Variants in CEP164 observed in about 807,000 individuals in gnomAD.
The protein encoded by CEP164 is centrosomal protein 164.
In CEP164, 162 loss-of-function variants were observed where a neutral mutation model predicts 182.7. The observed-to-expected ratio is 0.89, with a 90% CI of 0.78 to 1.01. The LOEUF is 1.01. Among genes scored for constraint, CEP164 ranks in the 50% least tolerant of loss-of-function variants. CEP164 has a pLI of 0.00. For synonymous variants in CEP164, 661 were observed against 690.0 expected, an observed-to-expected ratio of 0.96 and a Z score of 0.66; for missense variants, 1,735 against 1,790.4, an observed-to-expected ratio of 0.97 and a Z score of 0.56.
At chr11:117,380,229 CTG>C (rs1413022789) in intron 11 of CEP164, among the ~76,000 whole-genome samples, 1 of 152,166 alleles carries the variant, frequency 6.6e-6, no homozygotes, top group Non-Finnish European at 1.5e-5. Flanking sequence ...ATCTGGGCCT[CTG>C]TGGATTTGGG....
intron 1 of CEP164, among the ~76,000 whole-genome samples, chr11:117,328,591 C>T (rs963542111): frequency 9.9e-5 from 15 of 152,120 alleles, no homozygotes; most frequent in African/African-American, 3.6e-4. Context: ...AGCGTTGACT[C>T]GCCAAACTAC....
intron 27 of CEP164, among the ~76,000 whole-genome samples, chr11:117,398,291 G>A (rs2045727315): frequency 6.6e-6 from 1 of 152,200 alleles, no homozygotes; most frequent in Non-Finnish European, 1.5e-5. Context: ...GGCTTTGCAG[G>A]GTACAGCAAT....
chr11:117,351,311 C>G (rs1170547751), intron 4 of CEP164, among the ~76,000 whole-genome samples: 1 of 152,228 alleles, frequency 6.6e-6, no homozygotes, highest in East Asian at 1.9e-4. Context: ...CTGCTCCCGG[C>G]AGGATTATTA....
chr11:117,366,774 T>A (rs1013944491), intron 8 of CEP164, among the ~76,000 whole-genome samples: 1 of 152,166 alleles, frequency 6.6e-6, no homozygotes, highest in East Asian at 1.9e-4. Flanking sequence ...CAGACATAGG[T>A]TCAGCTCCTT....
chr11:117,323,169 G>A (rs2035316198), upstream of CEP164, among the ~76,000 whole-genome samples: 1 of 152,000 alleles, frequency 6.6e-6, no homozygotes, highest in Non-Finnish European at 1.5e-5. Flanking sequence ...CCAAAGTGCT[G>A]GGATTACAGG....
chr11:117,342,946 G>A (rs2038334511), intron 3 of CEP164, among the ~76,000 whole-genome samples: 1 of 151,838 alleles, frequency 6.6e-6, no homozygotes, highest in Non-Finnish European at 1.5e-5. Context: ...GACCTTCTCA[G>A]GCTCATTGCT....
upstream of CEP164, among the ~76,000 whole-genome samples, chr11:117,325,867 T>C (rs73014327): frequency 0.15 from 23,167 of 151,238 alleles, 1,932 homozygotes; most frequent in Non-Finnish European, 0.18. Context: ...AGCATTGCAA[T>C]AGGTATACAC....
In CEP164 at chr11:117,411,374, A is replaced by T; in HGVS notation, c.4164-421A>T. The T allele has an allele frequency of 4.1e-6, 1 of 243,488 alleles. No homozygotes were observed. Among genetic ancestry groups the T allele is most frequent in the Non-Finnish European group, 8.0e-6 (1 of 124,458 alleles). 15.1% of individuals were successfully genotyped at this position (243,488 alleles called of 1,614,324 possible). The stretch of plus-strand genomic sequence containing the variant: ...CGGGCAATTATTTAAACCTGTTATT[A>T]ATTTTCCATTCATCTCATTCCTTGC... On this transcript the variant is annotated intron_variant, in intron 31 of 32. Coordinates refer to ENST00000278935, the MANE Select transcript of CEP164 (RefSeq NM_014956.5). This position sits in a 1 kb window ranked among gnomAD's most constrained non-coding sequence, Gnocchi z 4.4.
chr11:117,400,355 T>C (rs997721257), intron 27 of CEP164, among the ~76,000 whole-genome samples: 43 of 152,194 alleles, frequency 2.8e-4, no homozygotes, highest in African/African-American at 9.2e-4. Context: ...ATATCTGTTT[T>C]GGTACCAGTA....
chr11:117,359,186 C>T (rs2510450), intron 5 of CEP164, among the ~76,000 whole-genome samples: 32,888 of 151,956 alleles, frequency 0.22, 3,685 homozygotes, highest in African/African-American at 0.27. Context: ...TTAGGTAATC[C>T]GCCTGCCTCA....
At chr11:117,396,973 C>T in intron 26 of CEP164, 118 bp from the exon 27 acceptor site, 2 of 916,426 alleles carry the variant, frequency 2.2e-6, no homozygotes, top group Non-Finnish European at 3.3e-6. Context: ...AGTGCCCAGC[C>T]CTAGCCCAGC....
upstream of CEP164, among the ~76,000 whole-genome samples, chr11:117,323,628 G>C (rs1204234260): frequency 6.6e-6 from 1 of 152,094 alleles, no homozygotes; most frequent in African/African-American, 2.4e-5. Context: ...GGGATTGCTG[G>C]ATTGTGTGGT....
intron 18 of CEP164, 92 bp from the exon 19 acceptor site, chr11:117,392,404 T>C: frequency 1.3e-6 from 2 of 1,565,960 alleles, no homozygotes; most frequent in South Asian, 1.2e-5. Flanking sequence ...CCCTGGGGGA[T>C]GGATGCCAGG....
rs746865666 is a variant in CEP164 at position 117,390,808 on chromosome 11, G to A, written c.1966G>A (p.Glu656Lys). Residue 656 changes from glutamate to lysine, a missense_variant, in exon 16 of 33, where the codon GAG becomes AAG. Glu to Lys is a moderately conservative substitution (Grantham distance 56). Transcript: ENST00000278935. ...GAGGGAGCGGCTGCAGAAAGCCATTGAGGAGGAGGAGGCCCGGATGAGAGA... is the reference window on the plus strand; with the variant it reads ...GAGGGAGCGGCTGCAGAAAGCCATTAAGGAGGAGGAGGCCCGGATGAGAGA... ...SLRERLQKAI[E>K]EEEARMREEE... The A allele has an allele frequency of 2.2e-5, 36 of 1,611,716 alleles. No individual in the cohort carries two copies. In the South Asian group the frequency reaches 3.8e-4, roughly 17 times the overall value.
chr11:117,372,562 T>A (rs1222181979), intron 9 of CEP164, among the ~76,000 whole-genome samples: 1 of 152,080 alleles, frequency 6.6e-6, no homozygotes, highest in Non-Finnish European at 1.5e-5. Flanking sequence ...ATTACAGGCA[T>A]GCGCCACCAC....
rs765575619 is a variant in CEP164, at chr11:117,387,286, T to A, written c.1808T>A (p.Leu603His). The A allele has an allele frequency of 6.2e-7, 1 of 1,614,184 alleles. No homozygotes were observed. The highest frequency in any genetic ancestry group is 1.1e-5 in the South Asian group (1 of 91,082). The part of the protein sequence containing the change: ...KAMEEAVAQV[L>H]EQDQRHLLES... ...ATGGAAGAGGCAGTGGCCCAAGTAC[T>A]CGAGCAAGACCAGAGGCACCTGCTG... The change falls in exon 15 of 33, where the codon CTC becomes CAC. Residue 603 changes from leucine (L) to histidine (H), a missense_variant. Leu to His is a moderately conservative substitution (Grantham distance 99). Transcript: ENST00000278935.
At chr11:117,399,091 C>T (rs1048146350) in intron 27 of CEP164, among the ~76,000 whole-genome samples, 7 of 152,060 alleles carry the variant, frequency 4.6e-5, no homozygotes, top group East Asian at 1.9e-4. Context: ...ACCCAACAAC[C>T]GGTCATCTGC....
intron 7 of CEP164, 44 bp downstream of exon 7, chr11:117,362,582 A>G (rs1372878048): frequency 1.9e-6 from 3 of 1,562,566 alleles, no homozygotes; most frequent in African/African-American, 2.7e-5. Flanking sequence ...CCTCTGTGCC[A>G]TATTTTTTCC....
chr11:117,328,078 G>A (rs1035908244), intron 1 of CEP164, 174 bp downstream of exon 1: 1 of 152,344 alleles, frequency 6.6e-6, no homozygotes, highest in Non-Finnish European at 1.5e-5. Context: ...GAGCCAACGA[G>A]CGTGATGCGC....
Sources: allele counts gnomAD v4.1 joint callset (sites outside exome capture counted in the v4.1 genomes callset), GRCh38; gene constraint gnomAD v4.1.1; non-coding constraint Gnocchi (gnomAD v3.1); transcripts MANE v1.5; gene names NCBI Gene and HGNC (gene_info 2026-07-23, HGNC 2026-07-21).